Variants in PARP8 observed in about 807,000 individuals in gnomAD.
The protein encoded by PARP8 is poly(ADP-ribose) polymerase family member 8, also known as protein mono-ADP-ribosyltransferase PARP8.
A neutral mutation model predicts 124.1 loss-of-function variants in PARP8; 51 were observed. The observed-to-expected ratio is 0.41, with a 90% CI of 0.33 to 0.52. The LOEUF (loss-of-function observed/expected upper bound fraction) is 0.52. PARP8 is among the 20% of genes least tolerant of loss of function. The pLI is 0.21. For missense variants in PARP8, 860 were observed against 1,018.9 expected, an observed-to-expected ratio of 0.84 and a Z score of 2.12; for synonymous variants, 391 against 361.5, an observed-to-expected ratio of 1.08 and a Z score of -0.93.
chr5:50,838,453 A>G (rs1356858900), intron 25 of PARP8, among the ~76,000 whole-genome samples: 3 of 152,036 alleles, frequency 2.0e-5, no homozygotes, highest in Non-Finnish European at 4.4e-5. Flanking sequence ...CCGTTATTAC[A>G]CTAGTGATAT....
intron 2 of PARP8, among the ~76,000 whole-genome samples, chr5:50,686,392 T>C (rs1751864307): frequency 6.6e-6 from 1 of 152,232 alleles, no homozygotes; most frequent in African/African-American, 2.4e-5. Context: ...TGTGACTTTG[T>C]AGGGTGTAGC....
chr5:50,772,931 C>T (rs558677861), intron 7 of PARP8, among the ~76,000 whole-genome samples: 105 of 152,204 alleles, frequency 6.9e-4, no homozygotes, highest in African/African-American at 2.5e-3. Context: ...ACTCCTGACC[C>T]AGTAGATCTG....
At chr5:50,738,508 C>G (rs941578178) in intron 2 of PARP8, among the ~76,000 whole-genome samples, 1 of 151,958 alleles carries the variant, frequency 6.6e-6, no homozygotes, top group African/African-American at 2.4e-5. Flanking sequence ...GTTTTTAATG[C>G]AAATAGCTTA....
chr5:50,672,398 C>T (rs1676157688), intron 2 of PARP8, among the ~76,000 whole-genome samples: 1 of 152,150 alleles, frequency 6.6e-6, no homozygotes, highest in African/African-American at 2.4e-5. Flanking sequence ...GCTAAAAGAC[C>T]TGGCAGACAA....
chr5:50,815,205 C>G (rs1744962080), intron 14 of PARP8, among the ~76,000 whole-genome samples: 1 of 152,028 alleles, frequency 6.6e-6, no homozygotes, highest in Non-Finnish European at 1.5e-5. Flanking sequence ...CTAAAACTAA[C>G]TGAAAAGGAT....
intron 9 of PARP8, among the ~76,000 whole-genome samples, chr5:50,785,325 A>G (rs1290155767): frequency 6.6e-6 from 1 of 152,128 alleles, no homozygotes; most frequent in Non-Finnish European, 1.5e-5. Flanking sequence ...TTCTGGATAA[A>G]CATTTGTGTC....
At chr5:50,681,037 C>A (rs1248979760) in intron 2 of PARP8, among the ~76,000 whole-genome samples, 2 of 152,050 alleles carry the variant, frequency 1.3e-5, no homozygotes, top group Admixed American at 1.3e-4. Context: ...ATCTTAAAAA[C>A]TAATTTATGT....
chr5:50,772,594 T>C lies in PARP8; in HGVS notation c.519-5475T>C, dbSNP rs1407175673. Among the ~76,000 whole-genome samples the C allele has an allele frequency of 7.2e-5, 11 of 152,364 alleles. No homozygotes were observed. The East Asian group carries it at 1.9e-3, about 27-fold the overall frequency. Reference sequence around the variant, plus strand: ...ACTGTGGTTTTGATTTGCATTGCCCTGATGATTAGTGATGTTGAACATTTT... The same window carrying C: ...ACTGTGGTTTTGATTTGCATTGCCCCGATGATTAGTGATGTTGAACATTTT... On this transcript the variant is annotated intron_variant, in intron 7 of 25. Coordinates refer to ENST00000281631, the MANE Select transcript of PARP8 (RefSeq NM_024615.4).
At chr5:50,840,788 G>T (rs1181506591) in intron 25 of PARP8, among the ~76,000 whole-genome samples, 2 of 151,854 alleles carry the variant, frequency 1.3e-5, no homozygotes, top group Admixed American at 6.6e-5. Flanking sequence ...TTACTGTCCT[G>T]AGAAAATATT....
Position 50,824,909 on chromosome 5 carries a change from C to T in PARP8, c.1862C>T (p.Ala621Val), listed in dbSNP as rs1561435597. 1 of 1,611,818 alleles carries T rather than the reference C, an allele frequency of 6.2e-7. No homozygotes were observed. The highest frequency in any genetic ancestry group is 2.2e-5 in the East Asian group (1 of 44,806). ...SITSIREMTQ[A>V]PYLEIKKQMD... ...AGAAGTATAATGACTTTTTTTCAGG[C>T]ACCATATCTGGAAATCAAGAAGCAA... The change falls in exon 18 of 26, where the codon GCA becomes GTA. Residue 621 changes from alanine to valine, a missense_variant and splice_region_variant. Physicochemically the swap from Ala to Val is moderately conservative, Grantham distance 64. Coordinates refer to ENST00000281631, the MANE Select transcript of PARP8 (RefSeq NM_024615.4).
chr5:50,799,665 A>G (rs540797871), intron 14 of PARP8, among the ~76,000 whole-genome samples: 21 of 152,310 alleles, frequency 1.4e-4, no homozygotes, highest in East Asian at 1.2e-3. Context: ...GCCATTGGCT[A>G]TAGACTGGAT....
rs569105175 is a variant in PARP8 at position 50,719,771 on chromosome 5, A to T, written c.147-30380A>T. On this transcript the variant is annotated intron_variant, in intron 2 of 25. Coordinates refer to ENST00000281631, the MANE Select transcript of PARP8 (RefSeq NM_024615.4). ...TTTTCTTTTAGAAGTTTGGTAGTTT[A>T]AAAGAATAAAGAGAGAAGTTATAAA... Among the ~76,000 whole-genome samples, 269 of 152,166 alleles carry T rather than the reference A, an allele frequency of 1.8e-3. 1 individual carries two copies. Among genetic ancestry groups the T allele is most frequent in the African/African-American group, 6.2e-3 (256 of 41,542 alleles).
At chr5:50,832,683 C>T (rs1215183647) in intron 22 of PARP8, 98 bp from the exon 23 acceptor site, 56 of 1,216,992 alleles carry the variant, frequency 4.6e-5, no homozygotes, top group Non-Finnish European at 3.0e-5. Flanking sequence ...TGTGATCAAA[C>T]CTTTACCTAG....
In PARP8 at chr5:50,747,143, T is replaced by G. The variant is rs1235207235; in HGVS notation, c.147-3008T>G. On this transcript the variant is annotated intron_variant, in intron 2 of 25. Transcript: ENST00000281631. ...ACTCATCTACTTATTCAGTTATGGT[T>G]TTTTTTGTTTGTTTGTTTTGTTTTT... is the stretch of plus-strand genomic sequence containing the variant. 1.6e-3 allele frequency among the ~76,000 whole-genome samples: 168 copies of G among 105,778 alleles called. 1 individual carries two copies. Among genetic ancestry groups the G allele is most frequent in the Admixed American group, 4.2e-3 (45 of 10,826 alleles). 69.4% of individuals were successfully genotyped at this position (105,778 alleles called of 152,430 possible).
At chr5:50,783,088 A>G (rs375630181) in intron 9 of PARP8, among the ~76,000 whole-genome samples, 1 of 152,010 alleles carries the variant, frequency 6.6e-6, no homozygotes, top group African/African-American at 2.4e-5. Context: ...AGCTGCAACC[A>G]TGGAGAAGAT....
At chr5:50,747,900 A>G (rs2149547607) in intron 2 of PARP8, among the ~76,000 whole-genome samples, 2 of 150,316 alleles carry the variant, frequency 1.3e-5, no homozygotes, top group Middle Eastern at 3.4e-3. Context: ...AGCCTCCCGA[A>G]TAGCTGGGAC....
At chr5:50,797,928 T>C (rs1464038887) in intron 14 of PARP8, among the ~76,000 whole-genome samples, 2 of 152,164 alleles carry the variant, frequency 1.3e-5, no homozygotes, top group Non-Finnish European at 2.9e-5. Context: ...GAATTTCCAT[T>C]ATCCCCAAAA....
At chr5:50,712,657 C>G (rs1026561011) in intron 2 of PARP8, among the ~76,000 whole-genome samples, 13 of 152,016 alleles carry the variant, frequency 8.6e-5, no homozygotes, top group Non-Finnish European at 1.8e-4. Context: ...AAGGCATTCA[C>G]AGAGCAGGGA....
Position 50,743,117 on chromosome 5 carries a change from A to G in PARP8, c.147-7034A>G, listed in dbSNP as rs1467766639. ...CACTCCAAATCAAGCTTCAAGGTAT[A>G]GCCATTTGGAGATTTGGTGAGCTAG... On this transcript the variant is annotated intron_variant, in intron 2 of 25. Coordinates refer to ENST00000281631, the MANE Select transcript of PARP8 (RefSeq NM_024615.4). 4.6e-5 allele frequency among the ~76,000 whole-genome samples: 7 copies of G among 152,292 alleles called. No homozygotes were observed. In the East Asian group the frequency reaches 1.4e-3, roughly 29 times the overall value.
Sources: allele counts gnomAD v4.1 joint callset (sites outside exome capture counted in the v4.1 genomes callset), GRCh38; gene constraint gnomAD v4.1.1; transcripts MANE v1.5; gene names NCBI Gene and HGNC (gene_info 2026-07-23, HGNC 2026-07-21).